The following SPPL3 variants were observed in gnomAD, a reference collection of about 807,000 sequenced individuals.
SPPL3 encodes signal peptide peptidase-like 3.
In SPPL3, 5 loss-of-function variants were observed where a neutral mutation model predicts 42.4. That is an observed-to-expected ratio of 0.12 (90% confidence interval 0.06 to 0.25). The LOEUF (loss-of-function observed/expected upper bound fraction) is 0.25. SPPL3 is among the 10% of genes least tolerant of loss of function. The pLI is 1.00. For missense variants in SPPL3, 235 were observed against 489.0 expected, an observed-to-expected ratio of 0.48 and a Z score of 4.90; for synonymous variants, 195 against 181.8, an observed-to-expected ratio of 1.07 and a Z score of -0.58.
intron 2 of SPPL3, among the ~76,000 whole-genome samples, chr12:120,802,028 G>A (rs1482803298): frequency 6.6e-6 from 1 of 152,062 alleles, no homozygotes; most frequent in Admixed American, 6.6e-5. Flanking sequence ...GTAGAGATCT[G>A]GTTATATTTG....
At chr12:120,833,657 T>C (rs1871503727) in intron 1 of SPPL3, among the ~76,000 whole-genome samples, 2 of 112,112 alleles carry the variant, frequency 1.8e-5, no homozygotes, top group East Asian at 2.6e-4. Flanking sequence ...ATAGTGAGAC[T>C]CCATCTCTCC....
chr12:120,902,474 G>A (rs536162501), intron 1 of SPPL3, among the ~76,000 whole-genome samples: 5 of 152,272 alleles, frequency 3.3e-5, no homozygotes, highest in Non-Finnish European at 7.4e-5. Flanking sequence ...AGTAAGATCT[G>A]TGGCACTTCA....
chr12:120,783,954 A>G (rs1869627110), intron 4 of SPPL3, among the ~76,000 whole-genome samples: 1 of 152,208 alleles, frequency 6.6e-6, no homozygotes, highest in South Asian at 2.1e-4. Flanking sequence ...AAGCATAGGT[A>G]AGTTTCCTAA....
chr12:120,853,896 G>A (rs1346683144), intron 1 of SPPL3, among the ~76,000 whole-genome samples: 1 of 151,274 alleles, frequency 6.6e-6, no homozygotes, highest in African/African-American at 2.4e-5. Flanking sequence ...AGATGAATTT[G>A]TATTTGGAAT....
Position 120,877,782 on chromosome 12 carries a change from A to T in SPPL3, c.23+26063T>A, listed in dbSNP as rs1593007836. ...GGCAACAAGAGTGAAACTCCGTCTT[A>T]AAAAAAAAAAAGAAAGAAAGAAAGA... is the stretch of plus-strand genomic sequence containing the variant. On this transcript the variant is annotated intron_variant, in intron 1 of 10. Transcript: ENST00000353487. Among the ~76,000 whole-genome samples the T allele has an allele frequency of 7.8e-5, 4 of 51,086 alleles. No homozygotes were observed. In the South Asian group the frequency reaches 3.2e-3, roughly 40 times the overall value. 33.5% of individuals were successfully genotyped at this position (51,086 alleles called of 152,430 possible).
chr12:120,793,705 A>G (rs1870000475), intron 2 of SPPL3, among the ~76,000 whole-genome samples: 2 of 150,200 alleles, frequency 1.3e-5, no homozygotes, highest in South Asian at 4.1e-4. Flanking sequence ...CTCTGAAAAA[A>G]TAAATTTGCT....
chr12:120,805,413 CAACT>C (rs1257000112), intron 2 of SPPL3, among the ~76,000 whole-genome samples: 2 of 152,114 alleles, frequency 1.3e-5, no homozygotes, highest in African/African-American at 2.4e-5. Flanking sequence ...GAAAAATGTA[CAACT>C]AACTACATAC....
intron 1 of SPPL3, among the ~76,000 whole-genome samples, chr12:120,869,938 C>T (rs1168805951): frequency 6.6e-6 from 1 of 152,132 alleles, no homozygotes; most frequent in Non-Finnish European, 1.5e-5. Flanking sequence ...TTCACTGGAC[C>T]AGAAACTACT....
At chr12:120,791,669 T>G (rs1243749180) in intron 2 of SPPL3, 112 bp from the exon 3 acceptor site, 2 of 681,596 alleles carry the variant, frequency 2.9e-6, no homozygotes, top group East Asian at 5.4e-5. Flanking sequence ...AGGTCTCTTT[T>G]GAACAACTCT....
intron 1 of SPPL3, among the ~76,000 whole-genome samples, chr12:120,851,256 G>C (rs1417950036): frequency 6.6e-6 from 1 of 152,162 alleles, no homozygotes; most frequent in Non-Finnish European, 1.5e-5. Context: ...CCATGTAGCA[G>C]CAGCACATAC....
intron 1 of SPPL3, among the ~76,000 whole-genome samples, chr12:120,818,037 T>C (rs1870938627): frequency 6.6e-6 from 1 of 152,082 alleles, no homozygotes; most frequent in South Asian, 2.1e-4. Flanking sequence ...AGCCCAGCAA[T>C]CTTATTTCAC....
intron 1 of SPPL3, among the ~76,000 whole-genome samples, chr12:120,854,979 T>C (rs369637895): frequency 7.9e-5 from 12 of 152,286 alleles, no homozygotes; most frequent in African/African-American, 2.9e-4. Context: ...AACTGTTTCA[T>C]GATGACCCTC....
At chr12:120,773,714 T>C (rs1869207682) in intron 6 of SPPL3, among the ~76,000 whole-genome samples, 1 of 152,178 alleles carries the variant, frequency 6.6e-6, no homozygotes, top group Non-Finnish European at 1.5e-5. Context: ...AACCTGTGCC[T>C]CCCAGGTTCA....
chr12:120,883,283 C>T (rs1371441347), intron 1 of SPPL3, among the ~76,000 whole-genome samples: 9 of 151,996 alleles, frequency 5.9e-5, no homozygotes, highest in East Asian at 1.9e-4. Flanking sequence ...CCAGCCTGGG[C>T]GACAGAGCAA....
At chr12:120,877,794 G>GA (rs1555253977) in intron 1 of SPPL3, among the ~76,000 whole-genome samples, 3 of 142,010 alleles carry the variant, frequency 2.1e-5, no homozygotes, top group Non-Finnish European at 4.5e-5. Context: ...AAAAAAAAAA[G>GA]AAAGAAAGAA....
rs548387128 is a variant in SPPL3, at chr12:120,904,353, G to A, written c.-486C>T. ...GAGGCCACTCGATCACACCCGCCGA[G>A]GGGAGGAGGGGCGGGGGCGGGGGCG... is the stretch of plus-strand genomic sequence containing the variant. On this transcript the variant is annotated 5_prime_UTR_variant, in exon 1 of 11. Coordinates refer to ENST00000353487, the MANE Select transcript of SPPL3 (RefSeq NM_139015.5). The A allele has an allele frequency of 1.8e-4, 30 of 162,932 alleles. No homozygotes were observed. Among genetic ancestry groups the A allele is most frequent in the Admixed American group, 1.1e-3 (17 of 15,688 alleles). 10.1% of individuals were successfully genotyped at this position (162,932 alleles called of 1,614,324 possible). A position where few individuals can be genotyped will look rare whatever the true frequency, so the allele number is the denominator to read the frequency against.
chr12:120,844,790 G>A (rs559531021), intron 1 of SPPL3, among the ~76,000 whole-genome samples: 5 of 150,816 alleles, frequency 3.3e-5, no homozygotes, highest in African/African-American at 4.9e-5. Context: ...CCAACACAGC[G>A]ACTCCCGGAG....
At chr12:120,824,839 A>C (rs1871190084) in intron 1 of SPPL3, among the ~76,000 whole-genome samples, 1 of 152,172 alleles carries the variant, frequency 6.6e-6, no homozygotes, top group Non-Finnish European at 1.5e-5. Flanking sequence ...TGGCCTTCTT[A>C]AACTTTTGAC....
chr12:120,886,135 G>C (rs1349984743), intron 1 of SPPL3, among the ~76,000 whole-genome samples: 6 of 149,912 alleles, frequency 4.0e-5, no homozygotes, highest in African/African-American at 1.5e-4. Flanking sequence ...GAGCCACCAC[G>C]CCCGGCCAAA....
Sources: allele counts gnomAD v4.1 joint callset (sites outside exome capture counted in the v4.1 genomes callset), GRCh38; gene constraint gnomAD v4.1.1; transcripts MANE v1.5; gene names NCBI Gene and HGNC (gene_info 2026-07-23, HGNC 2026-07-21).